Variants in RBM47 observed in about 807,000 individuals in gnomAD.
RBM47 encodes RNA binding motif protein 47.
In RBM47, 21 loss-of-function variants were observed where a neutral mutation model predicts 47.1. That is an observed-to-expected ratio of 0.45 (90% CI 0.32 to 0.64). The LOEUF (loss-of-function observed/expected upper bound fraction) is 0.64, where lower values mean the gene tolerates loss of function less well. RBM47 is among the 30% of genes least tolerant of loss of function. The pLI is 0.05. For missense variants in RBM47, 708 were observed against 870.9 expected, an observed-to-expected ratio of 0.81 and a Z score of 2.35; for synonymous variants, 375 against 361.7, an observed-to-expected ratio of 1.04 and a Z score of -0.42.
intron 3 of RBM47, among the ~76,000 whole-genome samples, chr4:40,461,071 T>C (rs1717073516): frequency 6.6e-6 from 1 of 152,126 alleles, no homozygotes; most frequent in Non-Finnish European, 1.5e-5. Flanking sequence ...AAATTAAGAA[T>C]GGAAATGAAC....
intron 1 of RBM47, among the ~76,000 whole-genome samples, chr4:40,594,618 C>T (rs1276621232): frequency 6.6e-6 from 1 of 152,204 alleles, no homozygotes; most frequent in Non-Finnish European, 1.5e-5. Context: ...ACTCTCTTGT[C>T]TCTGTTCCCT....
At chr4:40,522,391 G>C (rs1447876961) in intron 2 of RBM47, among the ~76,000 whole-genome samples, 4 of 152,132 alleles carry the variant, frequency 2.6e-5, no homozygotes, top group African/African-American at 9.7e-5. Context: ...TGTAATCCCA[G>C]ATACTCGGGA....
intron 2 of RBM47, among the ~76,000 whole-genome samples, chr4:40,540,647 A>AT (rs1728428015): frequency 1.6e-5 from 2 of 129,018 alleles, no homozygotes; most frequent in East Asian, 2.1e-4. Context: ...TCAAAAAAAA[A>AT]AAAAAATAAT....
intron 2 of RBM47, among the ~76,000 whole-genome samples, chr4:40,475,987 G>C (rs770232452): frequency 1.3e-5 from 2 of 152,108 alleles, no homozygotes; most frequent in African/African-American, 4.8e-5. Flanking sequence ...GATGGATTTG[G>C]GGAAGGCTCA....
At chr4:40,470,757 T>G (rs999105214) in intron 2 of RBM47, among the ~76,000 whole-genome samples, 4 of 152,216 alleles carry the variant, frequency 2.6e-5, no homozygotes, top group Non-Finnish European at 5.9e-5. Context: ...CTTTATTTTT[T>G]TAAGAGGCAG....
At chr4:40,520,392 A>G (rs1037350296) in intron 2 of RBM47, among the ~76,000 whole-genome samples, 1 of 152,252 alleles carries the variant, frequency 6.6e-6, no homozygotes, top group African/African-American at 2.4e-5. Context: ...TTTCAACTGC[A>G]GAGCTGCAAT....
chr4:40,456,271 G>T (rs1289278375), intron 3 of RBM47, among the ~76,000 whole-genome samples: 1 of 152,194 alleles, frequency 6.6e-6, no homozygotes, highest in African/African-American at 2.4e-5. Context: ...GCAGGTTTAA[G>T]AGAGAAACCC....
chr4:40,520,075 C>A (rs1374367040), intron 2 of RBM47, among the ~76,000 whole-genome samples: 3 of 152,088 alleles, frequency 2.0e-5, no homozygotes, highest in African/African-American at 7.2e-5. Flanking sequence ...AAAATCCAAC[C>A]AAAAAATATG....
intron 1 of RBM47, among the ~76,000 whole-genome samples, chr4:40,616,563 A>G (rs956026444): frequency 1.3e-5 from 2 of 152,026 alleles, no homozygotes; most frequent in African/African-American, 4.8e-5. Flanking sequence ...TCACCCTCAT[A>G]TCCCCAGTTC....
chr4:40,539,597 G>A lies in RBM47; in HGVS notation c.-155+4825C>T, dbSNP rs991600116. On this transcript the variant is annotated intron_variant, in intron 2 of 6. Transcript: ENST00000295971. ...TCTACTAAAAATACAAAAATTAGCC[G>A]AGCGTGGTGGCAGGTGCCTATAATC... Among the ~76,000 whole-genome samples the A allele has an allele frequency of 4.6e-5, 7 of 151,662 alleles. 1 individual carries two copies. Among genetic ancestry groups the A allele is most frequent in the African/African-American group, 1.5e-4 (6 of 41,268 alleles).
intron 1 of RBM47, among the ~76,000 whole-genome samples, chr4:40,620,212 A>C (rs946998993): frequency 3.6e-4 from 43 of 120,968 alleles, no homozygotes; most frequent in African/African-American, 1.0e-3. Flanking sequence ...AAAAAAAAAA[A>C]AAAAAAAACT....
In RBM47 at chr4:40,496,316, G is replaced by C. The variant is rs575438886; in HGVS notation, c.-154-29617C>G. Among the ~76,000 whole-genome samples, 306 of 147,482 alleles carry C rather than the reference G, an allele frequency of 2.1e-3. 2 individuals carry two copies. The highest frequency in any genetic ancestry group is 7.3e-3 in the African/African-American group (291 of 39,746). The stretch of plus-strand genomic sequence containing the variant: ...TTGGTCTAAACTATTCTGTATCTTG[G>C]CTGGAGAACTTAAACACACACACAC... On this transcript the variant is annotated intron_variant, in intron 2 of 6. Coordinates refer to ENST00000295971, the MANE Select transcript of RBM47 (RefSeq NM_001098634.2).
intron 2 of RBM47, among the ~76,000 whole-genome samples, chr4:40,513,714 CT>C (rs1351660143): frequency 0.03 from 4,354 of 146,030 alleles, 175 homozygotes; most frequent in African/African-American, 0.09. Flanking sequence ...TTTAAACTGA[CT>C]TTTTTTTTTT....
intron 1 of RBM47, among the ~76,000 whole-genome samples, chr4:40,600,757 C>T (rs561423304): frequency 1.1e-4 from 17 of 151,698 alleles, no homozygotes; most frequent in East Asian, 9.8e-4. Flanking sequence ...GAGGCCAAGG[C>T]GGGCTGATCA....
chr4:40,621,481 C>A (rs959000210), intron 1 of RBM47, among the ~76,000 whole-genome samples: 4 of 152,164 alleles, frequency 2.6e-5, no homozygotes, highest in African/African-American at 9.6e-5. Context: ...CTAGCACTTC[C>A]GTTTCATGCC....
At chr4:40,500,891 T>C (rs1723269050) in intron 2 of RBM47, among the ~76,000 whole-genome samples, 1 of 152,200 alleles carries the variant, frequency 6.6e-6, no homozygotes, top group Non-Finnish European at 1.5e-5. Context: ...ACACTGACCA[T>C]GGTCGTGACA....
intron 1 of RBM47, among the ~76,000 whole-genome samples, chr4:40,544,843 G>A (rs1005682066): frequency 1.3e-5 from 2 of 152,046 alleles, no homozygotes; most frequent in Non-Finnish European, 2.9e-5. Flanking sequence ...GCCGAGGCAG[G>A]AGCATCACTT....
intron 2 of RBM47, among the ~76,000 whole-genome samples, chr4:40,527,168 C>A (rs558905145): frequency 6.6e-6 from 1 of 152,100 alleles, no homozygotes; most frequent in Non-Finnish European, 1.5e-5. Context: ...AGGCAGCCAC[C>A]CTGCAGTGTC....
At chr4:40,444,885 G>A (rs1307259002) in intron 3 of RBM47, among the ~76,000 whole-genome samples, 3 of 151,544 alleles carry the variant, frequency 2.0e-5, no homozygotes, top group South Asian at 2.1e-4. Context: ...GGCTGGTCTC[G>A]AACTCCTGAC....
Sources: gnomAD v4.1 joint callset for allele counts (sites outside exome capture counted in the v4.1 genomes callset) on GRCh38, gnomAD v4.1.1 for gene constraint, MANE v1.5 for transcripts, NCBI Gene and HGNC (gene_info 2026-07-23, HGNC 2026-07-21) for gene names.